Variants in CLASP1 observed in about 807,000 individuals in gnomAD.
CLASP1 encodes the protein cytoplasmic linker associated protein 1.
In CLASP1, 38 loss-of-function variants were observed where a neutral mutation model predicts 192.3. That is an observed-to-expected ratio of 0.20 (90% CI 0.15 to 0.26). The LOEUF (loss-of-function observed/expected upper bound fraction) is 0.26, where lower values mean the gene tolerates loss of function less well. CLASP1 is among the 10% of genes least tolerant of loss of function. The probability of loss-of-function intolerance (pLI) is 1.00; values close to 1 mark genes in which losing one functional copy is unlikely to be tolerated. For missense variants in CLASP1, 1,433 were observed against 1,932.5 expected, an observed-to-expected ratio of 0.74 and a Z score of 4.85; for synonymous variants, 691 against 712.8, an observed-to-expected ratio of 0.97 and a Z score of 0.49.
At chr2:121,562,279 T>A (rs928374466) in intron 2 of CLASP1, among the ~76,000 whole-genome samples, 1 of 152,332 alleles carries the variant, frequency 6.6e-6, no homozygotes, top group East Asian at 1.9e-4. Context: ...CTGTGACCAC[T>A]GCTAACCTGT....
chr2:121,568,972 G>A (rs2059747165), intron 2 of CLASP1, among the ~76,000 whole-genome samples: 3 of 152,068 alleles, frequency 2.0e-5, no homozygotes, highest in African/African-American at 7.2e-5. Context: ...AAGCCAGAGG[G>A]ATGTAAAAGT....
rs553189829 is a variant in CLASP1 at position 121,578,089 on chromosome 2, C to T, written c.195+27612G>A. ...CTGGAGTTATGGGCACCTGCCACCACGTCCGGCTAATTTTTAAATTTTTTA... is the reference window on the plus strand; with the variant it reads ...CTGGAGTTATGGGCACCTGCCACCATGTCCGGCTAATTTTTAAATTTTTTA... On this transcript the variant is annotated intron_variant, in intron 2 of 39. Coordinates refer to ENST00000263710, the Ensembl canonical transcript of CLASP1. Among the ~76,000 whole-genome samples, 11 of 152,164 alleles carry T rather than the reference C, an allele frequency of 7.2e-5. No homozygotes were observed. The South Asian group carries it at 1.7e-3, about 23-fold the overall frequency.
intron 30 of CLASP1, among the ~76,000 whole-genome samples, chr2:121,394,952 T>C (rs564227071): frequency 1.3e-5 from 2 of 152,284 alleles, no homozygotes; most frequent in South Asian, 4.1e-4. Context: ...TTTTGTCAAA[T>C]TTGGGGAGTT....
At chr2:121,638,031 C>T (rs2071232616) in intron 1 of CLASP1, among the ~76,000 whole-genome samples, 1 of 151,962 alleles carries the variant, frequency 6.6e-6, no homozygotes. Context: ...ACAACCTACC[C>T]AGAGTGAGAA....
chr2:121,638,627 T>A (rs1486408476), intron 1 of CLASP1, among the ~76,000 whole-genome samples: 1 of 150,390 alleles, frequency 6.6e-6, no homozygotes, highest in Non-Finnish European at 1.5e-5. Context: ...ATCCATACAA[T>A]AGAACATTAC....
intron 2 of CLASP1, chr2:121,531,129 G>C (rs560345484): frequency 1.1e-5 from 7 of 620,030 alleles, no homozygotes; most frequent in East Asian, 8.3e-5. Flanking sequence ...CGCAAGTAAA[G>C]TTCTTTCAGT....
intron 38 of CLASP1, among the ~76,000 whole-genome samples, chr2:121,348,223 G>C (rs1230998397): frequency 6.6e-6 from 1 of 152,170 alleles, no homozygotes; most frequent in Admixed American, 6.5e-5. Flanking sequence ...TGTGCAATAA[G>C]GGTTTGTTGA....
intron 11 of CLASP1, among the ~76,000 whole-genome samples, chr2:121,460,337 T>C (rs1202836702): frequency 6.6e-6 from 1 of 152,178 alleles, no homozygotes; most frequent in Non-Finnish European, 1.5e-5. Flanking sequence ...AACTAGAGTA[T>C]TTGTGACACA....
chr2:121,605,667 C>T, intron 2 of CLASP1, 34 bp downstream of exon 2: 3 of 1,572,110 alleles, frequency 1.9e-6, no homozygotes, highest in Non-Finnish European at 2.6e-6. Context: ...GCAGCCCAGC[C>T]ACCTCCAAAA....
chr2:121,567,728 T>A (rs1364996079), intron 2 of CLASP1, among the ~76,000 whole-genome samples: 1 of 152,222 alleles, frequency 6.6e-6, no homozygotes, highest in Non-Finnish European at 1.5e-5. Context: ...CAAATAAATC[T>A]CTACCCTAAT....
intron 8 of CLASP1, among the ~76,000 whole-genome samples, chr2:121,474,154 T>C (rs572686587): frequency 1.3e-5 from 2 of 152,284 alleles, no homozygotes; most frequent in Non-Finnish European, 2.9e-5. Context: ...TTTCATTCTT[T>C]TTATATTCTT....
intron 23 of CLASP1, 125 bp downstream of exon 23, chr2:121,418,497 G>C: frequency 1.4e-6 from 1 of 699,018 alleles, no homozygotes; most frequent in Non-Finnish European, 2.5e-6. Context: ...TAAGGAAGAG[G>C]AAAGAAAGAA....
chr2:121,407,375 G>A, intron 25 of CLASP1, 96 bp downstream of exon 26: 2 of 1,380,834 alleles, frequency 1.4e-6, no homozygotes, highest in South Asian at 1.4e-5. Context: ...TTAATTATAG[G>A]AATTAGACTC....
At chr2:121,517,340 G>A (rs1032314655) in intron 6 of CLASP1, among the ~76,000 whole-genome samples, 3 of 152,150 alleles carry the variant, frequency 2.0e-5, no homozygotes, top group African/African-American at 7.2e-5. Context: ...AGGAATACAA[G>A]CAAAAATTTA....
At chr2:121,529,383 A>G (rs2094685922) in intron 3 of CLASP1, among the ~76,000 whole-genome samples, 2 of 152,208 alleles carry the variant, frequency 1.3e-5, no homozygotes, top group African/African-American at 4.8e-5. Context: ...AATTCAGCTA[A>G]TTTAGGAGGA....
chr2:121,344,126 G>C (rs138681580), intron 39 of CLASP1, among the ~76,000 whole-genome samples: 2 of 151,934 alleles, frequency 1.3e-5, no homozygotes, highest in Admixed American at 1.3e-4. Context: ...AAGACTGGAG[G>C]GGGGGAAAAA....
chr2:121,397,484 G>GGCA (rs1415961601), intron 29 of CLASP1, among the ~76,000 whole-genome samples: 1 of 152,184 alleles, frequency 6.6e-6, no homozygotes, highest in Non-Finnish European at 1.5e-5. Flanking sequence ...GACAGGAAGA[G>GGCA]GCACATGGCT....
At chr2:121,372,197 C>T (rs927180031) in intron 34 of CLASP1, among the ~76,000 whole-genome samples, 1 of 152,196 alleles carries the variant, frequency 6.6e-6, no homozygotes, top group Non-Finnish European at 1.5e-5. Context: ...GGAGCCCTTT[C>T]ATTTCATATG....
At chr2:121,506,242 G>A (rs1366006554) in intron 7 of CLASP1, among the ~76,000 whole-genome samples, 1 of 152,294 alleles carries the variant, frequency 6.6e-6, no homozygotes, top group Non-Finnish European at 1.5e-5. Flanking sequence ...ACTAGAAAGA[G>A]CTGAAGTTCC....
Sources: allele counts gnomAD v4.1 joint callset (sites outside exome capture counted in the v4.1 genomes callset), GRCh38; gene constraint gnomAD v4.1.1; transcripts MANE v1.5; gene names NCBI Gene and HGNC (gene_info 2026-07-23, HGNC 2026-07-21).